CACNA1A: variants seen among roughly 807,000 people sequenced by gnomAD.
CACNA1A encodes the protein voltage-dependent P/Q-type calcium channel subunit alpha-1A.
Under a neutral mutation model 262.4 loss-of-function variants are expected in CACNA1A, and 57 were observed. The observed-to-expected ratio is 0.22, with a 90% confidence interval of 0.18 to 0.27. CACNA1A has a LOEUF of 0.27. CACNA1A is among the 10% of genes least tolerant of loss of function. The probability of loss-of-function intolerance (pLI) is 1.00; values close to 1 mark genes in which losing one functional copy is unlikely to be tolerated. For missense variants in CACNA1A, 2,526 were observed against 3,562.8 expected, an observed-to-expected ratio of 0.71 and a Z score of 7.41; for synonymous variants, 1,431 against 1,419.3, an observed-to-expected ratio of 1.01 and a Z score of -0.18.
intron 3 of CACNA1A, among the ~76,000 whole-genome samples, chr19:13,425,483 A>C (rs1280092634): frequency 6.6e-6 from 1 of 152,222 alleles, no homozygotes; most frequent in Non-Finnish European, 1.5e-5. Flanking sequence ...TCAGGTAAGA[A>C]ACCTGAAGTT....
At chr19:13,352,726 C>A (rs971717889) in intron 6 of CACNA1A, among the ~76,000 whole-genome samples, 1 of 152,192 alleles carries the variant, frequency 6.6e-6, no homozygotes, top group Non-Finnish European at 1.5e-5. Context: ...TCAAACATCA[C>A]CTCCTCTTAG....
Position 13,298,879 on chromosome 19 carries a change from G to A in CACNA1A, c.2754C>T (p.Gly918=), listed in dbSNP as rs371757002. 5.4e-5 allele frequency: 86 copies of A among 1,592,958 alleles called. No homozygotes were observed. The highest frequency in any genetic ancestry group is 2.0e-4 in the Admixed American group (12 of 59,608). Residue 918 remains glycine (G), a synonymous_variant, in exon 19 of 47, where the codon GGC becomes GGT. Coordinates refer to ENST00000360228, the MANE Select transcript of CACNA1A (RefSeq NM_001127222.2). Reference sequence around the variant, plus strand: ...CCCCGGCCTTGCCTCGCTCGGCCTCGCCCTCCCAGAACCCGGGTTGCTCCA... The same window carrying A: ...CCCCGGCCTTGCCTCGCTCGGCCTCACCCTCCCAGAACCCGGGTTGCTCCA... ...GSLEQPGFWE[G]EAERGKAGDP... is the part of the protein sequence containing the mutation.
At chr19:13,347,718 C>T (rs1267301949) in intron 6 of CACNA1A, among the ~76,000 whole-genome samples, 1 of 152,134 alleles carries the variant, frequency 6.6e-6, no homozygotes, top group Non-Finnish European at 1.5e-5. Flanking sequence ...ACGTCAACTC[C>T]TCTGTGTCCA....
At position 13,241,615 on chromosome 19, in the gene CACNA1A, C is replaced by G; in HGVS notation, c.4950+3567G>C. 1.3e-6 allele frequency: 1 copy of G among 798,820 alleles called. No homozygotes were observed. Among genetic ancestry groups the G allele is most frequent in the South Asian group, 1.4e-5 (1 of 69,262 alleles). 49.5% of individuals were successfully genotyped at this position (798,820 alleles called of 1,614,324 possible). ...AGCATTTTTTAGGTTGATTTGTAAC[C>G]AGTGCCAAAAAACCAATGGGTTTCG... On this transcript the variant is annotated intron_variant, in intron 31 of 46. Coordinates refer to ENST00000360228, the MANE Select transcript of CACNA1A (RefSeq NM_001127222.2). This position sits in a 1 kb window ranked among gnomAD's most constrained non-coding sequence, Gnocchi z 4.0.
rs1600093626 is a variant in CACNA1A at position 13,214,344 on chromosome 19, A to G, written c.5840-11T>C. 1 of 1,611,818 alleles carries G rather than the reference A, an allele frequency of 6.2e-7. No homozygotes were observed. Among genetic ancestry groups the G allele is most frequent in the African/African-American group, 1.3e-5 (1 of 74,916 alleles). ...CGGTGAGGTCCGTGGCTGGGGGCAC[A>G]CACACGGTGAGCTCACCAAGGGCAG... On this transcript the variant is annotated splice_polypyrimidine_tract_variant and intron_variant, in intron 39 of 46. Transcript: ENST00000360228. The surrounding 1 kb of genome is among the most constrained non-coding windows in gnomAD (Gnocchi z 4.1).
At chr19:13,348,150 C>T (rs146071191) in intron 6 of CACNA1A, among the ~76,000 whole-genome samples, 37 of 152,058 alleles carry the variant, frequency 2.4e-4, no homozygotes, top group Middle Eastern at 3.4e-3. Flanking sequence ...TTTGAACTCC[C>T]GGTCTCAAGC....
At chr19:13,495,721 T>C (rs1214786521) in intron 1 of CACNA1A, among the ~76,000 whole-genome samples, 3 of 151,918 alleles carry the variant, frequency 2.0e-5, no homozygotes, top group Non-Finnish European at 4.4e-5. Flanking sequence ...TACCCTACCA[T>C]ACACCCTTAT....
At chr19:13,470,597 T>C (rs1434695093) in intron 1 of CACNA1A, among the ~76,000 whole-genome samples, 1 of 152,226 alleles carries the variant, frequency 6.6e-6, no homozygotes, top group East Asian at 1.9e-4. Context: ...TATTTTGCCA[T>C]TCTCTTGTTG....
intron 3 of CACNA1A, among the ~76,000 whole-genome samples, chr19:13,416,983 T>C (rs995570736): frequency 1.3e-5 from 2 of 152,090 alleles, no homozygotes; most frequent in Non-Finnish European, 2.9e-5. Context: ...CATACGGATA[T>C]TAATATCCAA....
Position 13,209,406 on chromosome 19 carries a change from C to G in CACNA1A, c.6432G>C (p.Pro2144=), listed in dbSNP as rs994526133. 1 of 1,398,526 alleles carries G rather than the reference C, an allele frequency of 7.2e-7. No individual in the cohort carries two copies. Among genetic ancestry groups the G allele is most frequent in the Non-Finnish European group, 9.3e-7 (1 of 1,072,870 alleles). The allele number at this position is 1,398,526 out of a possible 1,614,324, so 86.6% of individuals were successfully genotyped here. A position where few individuals can be genotyped will look rare whatever the true frequency, so the allele number is the denominator to read the frequency against. Residue 2144 remains proline (P), a synonymous_variant, in exon 45 of 47, where the codon CCG becomes CCC. Coordinates refer to ENST00000360228, the MANE Select transcript of CACNA1A (RefSeq NM_001127222.2). ...GGTGGTGCCGCTGGTTCTCCTCGGG[C>G]GGGACCCGCTCCAGCGAGTAATCGT... ...RLDDYSLERV[P]PEENQRHHQR...
chr19:13,465,928 C>G (rs2061226419), intron 1 of CACNA1A, among the ~76,000 whole-genome samples: 1 of 152,116 alleles, frequency 6.6e-6, no homozygotes, highest in South Asian at 2.1e-4. Context: ...GATATCTCAT[C>G]CTGTTGACTA....
chr19:13,238,055 G>T (rs1039211018), intron 31 of CACNA1A, among the ~76,000 whole-genome samples: 1 of 152,192 alleles, frequency 6.6e-6, no homozygotes, highest in Non-Finnish European at 1.5e-5. Context: ...GAGCCAAGTG[G>T]GGGAGGAGAC....
chr19:13,482,847 CTTGTGTGTGT>C (rs1290776115), intron 1 of CACNA1A, among the ~76,000 whole-genome samples: 7 of 104,544 alleles, frequency 6.7e-5, no homozygotes, highest in Middle Eastern at 8.8e-3. Flanking sequence ...TTTCTCTCAA[CTTGTGTGTGT>C]GTGTGTGTGT....
chr19:13,245,081 T>C (rs979558475), intron 31 of CACNA1A, 101 bp downstream of exon 31: 5 of 978,390 alleles, frequency 5.1e-6, no homozygotes, highest in Non-Finnish European at 6.5e-6. Flanking sequence ...CAAGCAGCTA[T>C]GGCTTCCGGG....
chr19:13,253,443 T>C (rs958473933), intron 29 of CACNA1A, among the ~76,000 whole-genome samples: 3 of 108,588 alleles, frequency 2.8e-5, no homozygotes, highest in African/African-American at 6.7e-5. Context: ...GGCTGAATTA[T>C]ACTTTTTTTT....
chr19:13,374,996 T>C (rs531067608), intron 3 of CACNA1A, among the ~76,000 whole-genome samples: 1 of 152,318 alleles, frequency 6.6e-6, no homozygotes, highest in African/African-American at 2.4e-5. Context: ...CATTGTGCTT[T>C]GCTTTATTGC....
chr19:13,235,885 T>C, intron 31 of CACNA1A, 155 bp from the exon 32 acceptor site: 1 of 587,682 alleles, frequency 1.7e-6, no homozygotes, highest in South Asian at 2.2e-5. Flanking sequence ...ATTAATGCAA[T>C]GATGCAGAGG....
chr19:13,209,150 G>C, intron 45 of CACNA1A, 141 bp from the exon 46 acceptor site: 2 of 1,356,874 alleles, frequency 1.5e-6, no homozygotes, highest in East Asian at 2.5e-5. Flanking sequence ...TTGGGGGGAG[G>C]GGGTAGTACC....
intron 6 of CACNA1A, among the ~76,000 whole-genome samples, chr19:13,336,596 A>AGAGAGAGGGAGAGAGAGGGAGAGG (rs763741285): frequency 1.1e-5 from 1 of 89,600 alleles, no homozygotes; most frequent in African/African-American, 5.5e-5. Flanking sequence ...AGAGAGAGGG[A>AGAGAGAGGGAGAGAGAGGGAGAGG]GAGAGAGAGA....
Sources: allele counts gnomAD v4.1 joint callset (sites outside exome capture counted in the v4.1 genomes callset), GRCh38; gene constraint gnomAD v4.1.1; non-coding constraint Gnocchi (gnomAD v3.1); transcripts MANE v1.5; gene names NCBI Gene and HGNC (gene_info 2026-07-23, HGNC 2026-07-21).